Variants in VDAC1 observed in about 807,000 individuals in gnomAD.
VDAC1 encodes voltage dependent anion channel 1.
In VDAC1, 10 loss-of-function variants were observed where a neutral mutation model predicts 34.7. The ratio of observed to expected loss-of-function variants is 0.29; its 90% CI spans 0.18 to 0.49. VDAC1 has a LOEUF of 0.49. Among genes scored for constraint, VDAC1 ranks in the 20% least tolerant of loss-of-function variants. The pLI, the probability that VDAC1 is intolerant of heterozygous loss-of-function variation, is 0.99. For synonymous variants in VDAC1, 130 were observed against 136.0 expected (o/e 0.96, Z 0.30); for missense variants, 230 against 347.9 (o/e 0.66, Z 2.69).
chr5:134,008,437 A>AT, upstream of VDAC1, among the ~76,000 whole-genome samples: 1 of 152,290 alleles, frequency 6.6e-6, no homozygotes, highest in East Asian at 1.9e-4. Context: ...GGAAAATGAG[A>AT]TTTTTCTTTC....
chr5:133,972,921 G>T, intron 8 of VDAC1, 59 bp from the exon 9 acceptor site: 1 of 1,436,936 alleles, frequency 7.0e-7, no homozygotes, highest in Non-Finnish European at 9.8e-7. Context: ...GAAATGACAA[G>T]AAAGATTAAC....
the VDAC1 span, among the ~76,000 whole-genome samples, chr5:134,107,468 C>T: frequency 6.6e-6 from 1 of 152,248 alleles, no homozygotes; most frequent in East Asian, 1.9e-4. Context: ...CATGGCCAGC[C>T]GGCTCCTCCA....
the VDAC1 span, among the ~76,000 whole-genome samples, chr5:134,112,324 G>C: frequency 6.6e-6 from 1 of 152,176 alleles, no homozygotes; most frequent in African/African-American, 2.4e-5. Context: ...GCAGCCAATG[G>C]CTCCTGGAAG....
chr5:134,096,734 C>T, the VDAC1 span, among the ~76,000 whole-genome samples: 3 of 152,200 alleles, frequency 2.0e-5, no homozygotes, highest in African/African-American at 7.2e-5. Flanking sequence ...GCTGGGATTA[C>T]AGGTGTGTGC....
chr5:134,034,785 C>T, the VDAC1 span, among the ~76,000 whole-genome samples: 1 of 150,312 alleles, frequency 6.7e-6, no homozygotes, highest in East Asian at 2.0e-4. Context: ...AGGAAAGGAG[C>T]TGCGAGTAAG....
the VDAC1 span, among the ~76,000 whole-genome samples, chr5:134,071,506 G>T: frequency 3.7e-4 from 57 of 152,278 alleles, no homozygotes; most frequent in Middle Eastern, 3.4e-3. This position sits in a 1 kb window ranked among gnomAD's most constrained non-coding sequence, Gnocchi z 4.1. Context: ...CAGCCTCAGG[G>T]CTCTCAGCCT....
chr5:133,980,689 A>AGGG, intron 6 of VDAC1, 40 bp downstream of exon 6: 1 of 564,056 alleles, frequency 1.8e-6, no homozygotes, highest in Non-Finnish European at 3.4e-6. Context: ...ACATGCTCCA[A>AGGG]CCCCACCCCT....
At chr5:133,973,001 C>CTT (rs1385423226) in intron 8 of VDAC1, 139 bp from the exon 9 acceptor site, 3 of 673,180 alleles carry the variant, frequency 4.5e-6, no homozygotes, top group Non-Finnish European at 7.9e-6. Context: ...ATCCTTGTTA[C>CTT]TTAGCACTAT....
intron 6 of VDAC1, among the ~76,000 whole-genome samples, chr5:133,978,427 C>T (rs376097847): frequency 5.9e-5 from 9 of 152,156 alleles, no homozygotes; most frequent in South Asian, 2.1e-4. Context: ...ATGAGCCACA[C>T]ATTGTAAATT....
the VDAC1 span, among the ~76,000 whole-genome samples, chr5:134,028,490 G>A: frequency 6.6e-6 from 1 of 152,176 alleles, no homozygotes; most frequent in Non-Finnish European, 1.5e-5. Context: ...TAGGCTTGGT[G>A]ATCATCATTT....
At chr5:134,110,836 T>C in the VDAC1 span, among the ~76,000 whole-genome samples, 1 of 152,254 alleles carries the variant, frequency 6.6e-6, no homozygotes, top group Non-Finnish European at 1.5e-5. Flanking sequence ...GGGCCTTTCA[T>C]GTTAAAGGAG....
the VDAC1 span, among the ~76,000 whole-genome samples, chr5:134,098,603 T>A: frequency 5.9e-5 from 9 of 152,222 alleles, no homozygotes; most frequent in South Asian, 2.1e-4. Flanking sequence ...CAGGTGGTGG[T>A]GTCCTGGTGG....
chr5:134,058,613 C>T, the VDAC1 span, among the ~76,000 whole-genome samples: 1 of 152,190 alleles, frequency 6.6e-6, no homozygotes, highest in Admixed American at 6.5e-5. Flanking sequence ...CCGCACCCGG[C>T]CCAAGGACTC....
intron 6 of VDAC1, among the ~76,000 whole-genome samples, chr5:133,979,486 G>C (rs563689537): frequency 8.9e-4 from 108 of 121,548 alleles, no homozygotes; most frequent in Non-Finnish European, 1.6e-3. Flanking sequence ...CTAGAGCGCA[G>C]TGGCGTGATC....
chr5:134,091,381 C>G, the VDAC1 span, among the ~76,000 whole-genome samples: 1 of 152,162 alleles, frequency 6.6e-6, no homozygotes, highest in African/African-American at 2.4e-5. Context: ...TCCCCTAACA[C>G]CACAGAATCA....
the VDAC1 span, among the ~76,000 whole-genome samples, chr5:134,103,411 C>T: frequency 6.6e-6 from 1 of 152,206 alleles, no homozygotes; most frequent in Non-Finnish European, 1.5e-5. Flanking sequence ...GCATGAGCCA[C>T]TGTGCCAGGC....
chr5:134,070,976 C>T, the VDAC1 span, among the ~76,000 whole-genome samples: 2 of 152,216 alleles, frequency 1.3e-5, no homozygotes, highest in Non-Finnish European at 2.9e-5. Flanking sequence ...CCGGTCCAAG[C>T]GTCACCATCC....
chr5:134,060,941 G>C, the VDAC1 span, among the ~76,000 whole-genome samples: 1 of 131,550 alleles, frequency 7.6e-6, no homozygotes, highest in Non-Finnish European at 1.6e-5. Context: ...GCAATGGTGC[G>C]ATCAGCTCAC....
chr5:134,083,043 T>C, the VDAC1 span, among the ~76,000 whole-genome samples: 3 of 152,346 alleles, frequency 2.0e-5, no homozygotes, highest in East Asian at 5.8e-4. Flanking sequence ...TAAAATATGG[T>C]AACCTTGCAA....
Sources: allele counts gnomAD v4.1 joint callset (sites outside exome capture counted in the v4.1 genomes callset), GRCh38; gene constraint gnomAD v4.1.1; non-coding constraint Gnocchi (gnomAD v3.1); transcripts MANE v1.5; gene names NCBI Gene and HGNC (gene_info 2026-07-23, HGNC 2026-07-21).